The following PRL variants were observed in gnomAD, a reference collection of about 807,000 sequenced individuals.
The protein encoded by PRL is decidual prolactin.
PRL carries 24 observed loss-of-function variants against 21.3 expected under a neutral mutation model. The observed-to-expected ratio is 1.13, with a 90% confidence interval of 0.82 to 1.59. The LOEUF (loss-of-function observed/expected upper bound fraction) is 1.59. PRL is among the 40% of genes most tolerant of loss of function. The pLI is 0.00. For missense variants in PRL, 243 were observed against 286.9 expected (o/e 0.85, Z 1.10); for synonymous variants, 118 against 115.7 (o/e 1.02, Z -0.13).
chr6:22,297,865 C>T (rs1047057983), upstream of PRL, among the ~76,000 whole-genome samples: 2 of 152,124 alleles, frequency 1.3e-5, no homozygotes, highest in Non-Finnish European at 2.9e-5. Context: ...CACTTGCGCA[C>T]CAGCCTAATA....
Position 22,296,866 on chromosome 6 carries a change from G to A in PRL, c.28+89C>T, listed in dbSNP as rs555437755. ...TTGTGCTTCTAAACCTTGTAAACCT[G>A]CAAGCTCTTGTTATTAGTTAAAATT... On this transcript the variant is annotated intron_variant, in intron 1 of 4. Coordinates refer to ENST00000306482, the MANE Select transcript of PRL (RefSeq NM_000948.6). 1.4e-5 allele frequency: 20 copies of A among 1,410,338 alleles called. No homozygotes were observed. In the East Asian group the frequency reaches 3.7e-4, roughly 26 times the overall value. 87.4% of individuals were successfully genotyped at this position (1,410,338 alleles called of 1,614,324 possible). A position where few individuals can be genotyped will look rare whatever the true frequency, so the allele number is the denominator to read the frequency against.
chr6:22,299,719 G>C (rs1026447288), upstream of PRL, among the ~76,000 whole-genome samples: 15 of 151,984 alleles, frequency 9.9e-5, no homozygotes, highest in Non-Finnish European at 7.4e-5. Context: ...GGCGCCTGTA[G>C]TCCCAGCTAC....
chr6:22,300,986 C>T (rs557966814), upstream of PRL, among the ~76,000 whole-genome samples: 106 of 152,284 alleles, frequency 7.0e-4, 1 homozygote, highest in African/African-American at 2.4e-3. Context: ...TCCAGAGTCT[C>T]CACAAACGTA....
chr6:22,294,663 C>A (rs965682576), intron 1 of PRL, 79 bp from the exon 2 acceptor site: 5 of 1,427,596 alleles, frequency 3.5e-6, no homozygotes, highest in African/African-American at 1.4e-5. Context: ...CCGAGGAAAG[C>A]CTTATTGCTC....
chr6:22,295,208 T>TTC (rs10627496), intron 1 of PRL, among the ~76,000 whole-genome samples: 123,360 of 151,998 alleles, frequency 0.81, 50,384 homozygotes, highest in Non-Finnish European at 0.87. Context: ...TAAATTTTTT[T>TTC]TATATTTGAG....
intron 1 of PRL, 24 bp from the exon 2 acceptor site, chr6:22,294,608 A>G (rs1341115873): frequency 1.3e-6 from 2 of 1,522,154 alleles, no homozygotes; most frequent in South Asian, 2.5e-5. Flanking sequence ...AACGCGAGCC[A>G]CTCTGAGATG....
chr6:22,290,100 G>A, intron 4 of PRL, 74 bp downstream of exon 4: 2 of 1,347,620 alleles, frequency 1.5e-6, no homozygotes, highest in Non-Finnish European at 1.9e-6. Flanking sequence ...TCTTTCAAAG[G>A]GAAATATTTA....
chr6:22,287,903 T>C (rs137989361), intron 4 of PRL, among the ~76,000 whole-genome samples: 2 of 152,286 alleles, frequency 1.3e-5, no homozygotes, highest in Non-Finnish European at 2.9e-5. Flanking sequence ...GAAGAGACAA[T>C]GGAGTAGCTA....
At chr6:22,292,759 C>A in intron 2 of PRL, 114 bp from the exon 3 acceptor site, 2 of 797,578 alleles carry the variant, frequency 2.5e-6, no homozygotes, top group Non-Finnish European at 3.9e-6. Context: ...AAAATTAGAG[C>A]TACATAAAAA....
rs185228008 is a variant in PRL at position 22,295,569 on chromosome 6, C to G, written c.29-985G>C. Among the ~76,000 whole-genome samples, 23 of 152,314 alleles carry G rather than the reference C, an allele frequency of 1.5e-4. No homozygotes were observed. The East Asian group carries it at 4.2e-3, about 28-fold the overall frequency. Reference sequence around the variant, plus strand: ...CTTGATTTTCTCCACTTTTCCTGCTCTAATTACAAAACACTCTGATCTTTG... The same window carrying G: ...CTTGATTTTCTCCACTTTTCCTGCTGTAATTACAAAACACTCTGATCTTTG... On this transcript the variant is annotated intron_variant, in intron 1 of 4. Transcript: ENST00000306482.
chr6:22,297,383 T>C (rs1461154806), upstream of PRL: 1 of 179,140 alleles, frequency 5.6e-6, no homozygotes, highest in Non-Finnish European at 1.2e-5. Context: ...ATATATAGGA[T>C]TATATTTCAC....
At chr6:22,294,653 C>T in intron 1 of PRL, 69 bp from the exon 2 acceptor site, 1 of 1,452,922 alleles carries the variant, frequency 6.9e-7, no homozygotes, top group African/African-American at 1.4e-5. Flanking sequence ...AGTAATCCTG[C>T]CGAGGAAAGC....
intron 3 of PRL, among the ~76,000 whole-genome samples, chr6:22,291,906 C>T (rs1761057513): frequency 6.6e-6 from 1 of 152,158 alleles, no homozygotes; most frequent in Admixed American, 6.5e-5. Context: ...GATATACAGA[C>T]TTTGTAGTCA....
chr6:22,290,060 G>A (rs1761012828), intron 4 of PRL, 114 bp downstream of exon 4: 2 of 956,284 alleles, frequency 2.1e-6, no homozygotes, highest in Non-Finnish European at 1.4e-6. Flanking sequence ...ATTTAATAGC[G>A]GTCTATAATA....
chr6:22,294,781 T>C (rs1381414912), intron 1 of PRL, among the ~76,000 whole-genome samples, 197 bp from the exon 2 acceptor site: 2 of 152,230 alleles, frequency 1.3e-5, no homozygotes, highest in African/African-American at 4.8e-5. Flanking sequence ...TGCACAGATA[T>C]ATAGTTTGAG....
chr6:22,294,644 G>A (rs1227515640), intron 1 of PRL, 60 bp from the exon 2 acceptor site: 8 of 1,467,044 alleles, frequency 5.5e-6, no homozygotes, highest in African/African-American at 1.4e-5. Flanking sequence ...GTTTTCAGAA[G>A]TAATCCTGCC....
chr6:22,294,613 G>C (rs752183014), intron 1 of PRL, 29 bp from the exon 2 acceptor site: 1 of 1,519,862 alleles, frequency 6.6e-7, no homozygotes, highest in South Asian at 1.3e-5. Context: ...GAGCCACTCT[G>C]AGATGATTTA....
chr6:22,296,795 G>A (rs1013530922), intron 1 of PRL, among the ~76,000 whole-genome samples, 160 bp downstream of exon 1: 1 of 152,168 alleles, frequency 6.6e-6, no homozygotes. Flanking sequence ...CCATTGTTCT[G>A]TTCTATGGTG....
upstream of PRL, chr6:22,297,121 T>A: frequency 1.2e-6 from 1 of 813,186 alleles, no homozygotes; most frequent in Non-Finnish European, 1.9e-6. Flanking sequence ...TCCCTTTTCC[T>A]GGTCATCTAT....
Sources: allele counts gnomAD v4.1 joint callset (sites outside exome capture counted in the v4.1 genomes callset), GRCh38; gene constraint gnomAD v4.1.1; transcripts MANE v1.5; gene names NCBI Gene and HGNC (gene_info 2026-07-23, HGNC 2026-07-21).